MARCHF10: variants seen among roughly 807,000 people sequenced by gnomAD.
The protein encoded by MARCHF10 is probable E3 ubiquitin-protein ligase MARCHF10.
Under a neutral mutation model 76.2 loss-of-function variants are expected in MARCHF10, and 64 were observed. The ratio of observed to expected loss-of-function variants is 0.84; its 90% CI spans 0.69 to 1.03. The LOEUF (loss-of-function observed/expected upper bound fraction) is 1.03. Among genes scored for constraint, MARCHF10 ranks in the 50% least tolerant of loss-of-function variants. The probability of loss-of-function intolerance (pLI) is 0.00; values close to 1 mark genes in which losing one functional copy is unlikely to be tolerated. For synonymous variants in MARCHF10, 340 were observed against 357.5 expected (o/e 0.95, Z 0.55); for missense variants, 875 against 958.0 (o/e 0.91, Z 1.14).
intron 1 of MARCHF10, among the ~76,000 whole-genome samples, chr17:62,802,181 T>C (rs1010942988): frequency 2.6e-5 from 4 of 151,826 alleles, no homozygotes; most frequent in African/African-American, 9.7e-5. Flanking sequence ...GACACTGGAG[T>C]ATAGCAAGCA....
rs528868522 is a variant in MARCHF10 at position 62,753,896 on chromosome 17, T to C, written c.382+5939A>G. Among the ~76,000 whole-genome samples the C allele has an allele frequency of 1.6e-4, 24 of 152,202 alleles. No individual in the cohort carries two copies. The South Asian group carries it at 3.7e-3, about 24-fold the overall frequency. On this transcript the variant is annotated intron_variant, in intron 4 of 10. Transcript: ENST00000311269. ...TACCCGGCAGGTAAATACGTATAAA[T>C]GAAGTGCTGAATGAATGAGCAGTGG... is the stretch of plus-strand genomic sequence containing the variant.
chr17:62,772,323 C>A (rs1001501849), intron 3 of MARCHF10, among the ~76,000 whole-genome samples: 1 of 152,152 alleles, frequency 6.6e-6, no homozygotes. Flanking sequence ...GTAAGAAGTG[C>A]CTTTCGCCTT....
At chr17:62,725,175 G>A in intron 6 of MARCHF10, 71 bp from the exon 7 acceptor site, 6 of 1,414,676 alleles carry the variant, frequency 4.2e-6, no homozygotes, top group Non-Finnish European at 5.6e-6. Flanking sequence ...CCAGTTCCCA[G>A]AGCATTGACA....
intron 3 of MARCHF10, among the ~76,000 whole-genome samples, chr17:62,783,895 CA>C (rs1316753446): frequency 6.6e-6 from 1 of 151,948 alleles, no homozygotes; most frequent in Admixed American, 6.5e-5. Flanking sequence ...GCCTACCAAC[CA>C]AAAAAAGTCC....
At chr17:62,705,650 C>G (rs946568813) in intron 9 of MARCHF10, 69 bp from the exon 10 acceptor site, 10 of 1,583,420 alleles carry the variant, frequency 6.3e-6, no homozygotes, top group Non-Finnish European at 8.7e-6. Context: ...TGTATAACCT[C>G]CTAGTCGCAG....
intron 6 of MARCHF10, among the ~76,000 whole-genome samples, chr17:62,731,666 T>C (rs577318780): frequency 2.6e-5 from 4 of 152,188 alleles, no homozygotes; most frequent in Non-Finnish European, 5.9e-5. Context: ...ATCGCTAACG[T>C]GTAGAACTTT....
chr17:62,753,221 C>T (rs1190982779), intron 4 of MARCHF10, among the ~76,000 whole-genome samples: 1 of 152,132 alleles, frequency 6.6e-6, no homozygotes, highest in African/African-American at 2.4e-5. Flanking sequence ...ATTCTCCTGC[C>T]TCAGTCTCCC....
At chr17:62,800,511 C>T (rs534611789) in intron 2 of MARCHF10, among the ~76,000 whole-genome samples, 2 of 152,276 alleles carry the variant, frequency 1.3e-5, no homozygotes, top group African/African-American at 4.8e-5. Context: ...GTTTCCAGCC[C>T]TAAAGCTAAG....
chr17:62,800,530 T>C (rs1245454870), intron 2 of MARCHF10, among the ~76,000 whole-genome samples: 2 of 152,234 alleles, frequency 1.3e-5, no homozygotes, highest in African/African-American at 2.4e-5. Flanking sequence ...AGCCGTATTA[T>C]ACAGGTGAAA....
chr17:62,760,141 C>T lies in MARCHF10; in HGVS notation c.211-135G>A. 12 of 682,036 alleles carry T rather than the reference C, an allele frequency of 1.8e-5. No individual in the cohort carries two copies. In the South Asian group the frequency reaches 1.9e-4, roughly 11 times the overall value. The allele number at this position is 682,036 out of a possible 1,614,324, so 42.2% of individuals were successfully genotyped here. A position where few individuals can be genotyped will look rare whatever the true frequency, so the allele number is the denominator to read the frequency against. Reference sequence around the variant, plus strand: ...AGAGTCTTCTGCCAGGTCAACACGCCCGTTCACCAGAGAGATTCAGATGGA... The same window carrying T: ...AGAGTCTTCTGCCAGGTCAACACGCTCGTTCACCAGAGAGATTCAGATGGA... On this transcript the variant is annotated intron_variant, in intron 3 of 10. Coordinates refer to ENST00000311269, the MANE Select transcript of MARCHF10 (RefSeq NM_152598.4).
intron 6 of MARCHF10, chr17:62,726,211 T>C (rs1223124632): frequency 6.6e-6 from 1 of 152,232 alleles, no homozygotes; most frequent in Non-Finnish European, 1.5e-5. Flanking sequence ...TCGATGTTCA[T>C]GTTGGGAGGT....
intron 4 of MARCHF10, among the ~76,000 whole-genome samples, chr17:62,755,078 GTCT>G (rs1568165128): frequency 6.6e-6 from 1 of 152,210 alleles, no homozygotes; most frequent in African/African-American, 2.4e-5. Flanking sequence ...CAGCTGAAAA[GTCT>G]TCTTACTCCT....
chr17:62,730,916 C>T (rs112964825), intron 6 of MARCHF10, among the ~76,000 whole-genome samples: 12 of 151,798 alleles, frequency 7.9e-5, no homozygotes, highest in East Asian at 1.9e-4. Flanking sequence ...ACAACAACAA[C>T]GACAACAACA....
chr17:62,762,785 A>C (rs2092240174), intron 3 of MARCHF10, among the ~76,000 whole-genome samples: 3 of 152,328 alleles, frequency 2.0e-5, no homozygotes, highest in East Asian at 1.9e-4. Flanking sequence ...AGCTCAGGCA[A>C]GCCGCCCGCC....
chr17:62,797,781 G>A (rs2093009097), intron 2 of MARCHF10, among the ~76,000 whole-genome samples: 1 of 152,228 alleles, frequency 6.6e-6, no homozygotes, highest in Non-Finnish European at 1.5e-5. Flanking sequence ...CAGTCTGACA[G>A]ATGGCAGGAC....
At chr17:62,735,673 C>T in intron 6 of MARCHF10, 1 of 465,392 alleles carries the variant, frequency 2.1e-6, no homozygotes. Flanking sequence ...ACCCAGCAGA[C>T]TTAAGGGTGT....
At position 62,701,731 on chromosome 17, in the gene MARCHF10, C is replaced by A; in HGVS notation, c.2399G>T (p.Gly800Val). The A allele has an allele frequency of 6.2e-7, 1 of 1,614,128 alleles. No homozygotes were observed. Among genetic ancestry groups the A allele is most frequent in the Non-Finnish European group, 8.5e-7 (1 of 1,180,044 alleles). The change falls in exon 11 of 11, where the codon GGC becomes GTC. Residue 800 changes from glycine (G) to valine (V), a missense_variant. By Grantham distance (109) the Gly-to-Val change is moderately radical. Transcript: ENST00000311269. ...GACGACCTGGCTTTGAGAAATGCTG[C>A]CTTCATTTCCATCTCCCAACTCCGA... ...ENSELGDGNE[G>V]SISQSQVV
chr17:62,745,696 G>A (rs1007904280), intron 4 of MARCHF10, among the ~76,000 whole-genome samples: 17 of 152,212 alleles, frequency 1.1e-4, no homozygotes, highest in African/African-American at 4.1e-4. Context: ...AGTAGCTGGG[G>A]TGCTATTGTG....
At chr17:62,707,171 TCTC>T (rs2089643510) in intron 9 of MARCHF10, among the ~76,000 whole-genome samples, 1 of 151,956 alleles carries the variant, frequency 6.6e-6, no homozygotes, top group Admixed American at 6.6e-5. Flanking sequence ...CTGCCCAAGT[TCTC>T]CTCCCAAAAC....
Sources: gnomAD v4.1 joint callset for allele counts (sites outside exome capture counted in the v4.1 genomes callset) on GRCh38, gnomAD v4.1.1 for gene constraint, MANE v1.5 for transcripts, NCBI Gene and HGNC (gene_info 2026-07-23, HGNC 2026-07-21) for gene names.